Variants in SLC17A1 observed in about 807,000 individuals in gnomAD.
The protein encoded by SLC17A1 is solute carrier family 17 member 1.
In SLC17A1, 51 loss-of-function variants were observed where a neutral mutation model predicts 53.5. That is an observed-to-expected ratio of 0.95 (90% confidence interval 0.76 to 1.20). SLC17A1 has a LOEUF of 1.20. SLC17A1 is among the 50% of genes most tolerant of loss of function. The pLI is 0.00. For synonymous variants in SLC17A1, 179 were observed against 198.8 expected (o/e 0.90, Z 0.84); for missense variants, 538 against 568.2 (o/e 0.95, Z 0.54).
At chr6:25,773,450 G>A in the SLC17A1 span, 1 of 1,612,648 alleles carries the variant, frequency 6.2e-7, no homozygotes, top group Non-Finnish European at 8.5e-7. Flanking sequence ...TCTGAGAGAT[G>A]AAGAATGTGA....
At chr6:25,829,439 C>G (rs1225686070) in intron 2 of SLC17A1, among the ~76,000 whole-genome samples, 1 of 152,070 alleles carries the variant, frequency 6.6e-6, no homozygotes, top group Non-Finnish European at 1.5e-5. Context: ...GCTGCCTAAA[C>G]TCAGTATCAT....
At chr6:25,732,321 T>C in the SLC17A1 span, among the ~76,000 whole-genome samples, 2 of 152,276 alleles carry the variant, frequency 1.3e-5, no homozygotes, top group African/African-American at 4.8e-5. Context: ...TAAGGTTCTC[T>C]GATTGGATAG....
At chr6:25,776,515 T>C in the SLC17A1 span, 1 of 1,498,980 alleles carries the variant, frequency 6.7e-7, no homozygotes, top group Non-Finnish European at 8.9e-7. Context: ...GCCACAAATG[T>C]GGACAGTCTG....
chr6:25,738,210 T>C, the SLC17A1 span, among the ~76,000 whole-genome samples: 1 of 152,128 alleles, frequency 6.6e-6, no homozygotes, highest in Non-Finnish European at 1.5e-5. Flanking sequence ...CAACACTGTG[T>C]AGTAATGGCA....
chr6:25,778,069 G>A (rs1189459488), downstream of SLC17A1: 9 of 1,321,266 alleles, frequency 6.8e-6, no homozygotes. Flanking sequence ...TAGAGGCATG[G>A]TTTTTTCACA....
Position 25,815,940 on chromosome 6 carries a change from C to T in SLC17A1, c.617-2727G>A, listed in dbSNP as rs576062530. 5.2e-4 allele frequency among the ~76,000 whole-genome samples: 78 copies of T among 149,392 alleles called. 1 individual carries two copies. The highest frequency in any genetic ancestry group is 3.5e-3 in the Middle Eastern group (1 of 286). ...TTTTTTTTTTTTTTTGCCACTTCAGCTCCAAAGGTGAAACGGCACAGTTAA... is the reference window on the plus strand; with the variant it reads ...TTTTTTTTTTTTTTTGCCACTTCAGTTCCAAAGGTGAAACGGCACAGTTAA... On this transcript the variant is annotated intron_variant, in intron 6 of 12. Transcript: ENST00000244527.
intron 10 of SLC17A1, 60 bp from the exon 11 acceptor site, chr6:25,801,040 A>G (rs1763743122): frequency 3.3e-6 from 3 of 899,808 alleles, no homozygotes; most frequent in Non-Finnish European, 5.5e-6. Context: ...GGAAATGCAA[A>G]CCTAATCAAA....
chr6:25,729,740 A>ATTT, the SLC17A1 span, among the ~76,000 whole-genome samples: 53 of 150,170 alleles, frequency 3.5e-4, no homozygotes, highest in East Asian at 7.3e-3. Context: ...CTTTCCGTGC[A>ATTT]TTTTTTTTTA....
the SLC17A1 span, among the ~76,000 whole-genome samples, chr6:25,756,910 C>G: frequency 6.6e-6 from 1 of 152,260 alleles, no homozygotes; most frequent in East Asian, 1.9e-4. Context: ...GTCTTTAGTT[C>G]TTGTGACTGA....
At chr6:25,807,675 T>C (rs1764006730) in intron 10 of SLC17A1, among the ~76,000 whole-genome samples, 1 of 151,984 alleles carries the variant, frequency 6.6e-6, no homozygotes, top group African/African-American at 2.4e-5. Context: ...GTCCTCATTG[T>C]TTAGCTCCCC....
At chr6:25,817,419 C>T (rs543141617) in intron 6 of SLC17A1, among the ~76,000 whole-genome samples, 1 of 152,232 alleles carries the variant, frequency 6.6e-6, no homozygotes, top group East Asian at 1.9e-4. Flanking sequence ...GAGGCAGATA[C>T]CTAAATTCCT....
chr6:25,777,130 G>A, the SLC17A1 span: 1 of 743,806 alleles, frequency 1.3e-6, no homozygotes, highest in South Asian at 2.3e-5. Flanking sequence ...CAAAGCTGGT[G>A]GACCATTGTG....
chr6:25,801,170 G>T (rs1763746641), intron 10 of SLC17A1, among the ~76,000 whole-genome samples, 190 bp from the exon 11 acceptor site: 1 of 152,180 alleles, frequency 6.6e-6, no homozygotes, highest in Non-Finnish European at 1.5e-5. Flanking sequence ...AGTCAGAAAG[G>T]TTGGCGTTAG....
intron 12 of SLC17A1, among the ~76,000 whole-genome samples, chr6:25,796,046 ATAAAG>A (rs1159803502): frequency 1.3e-5 from 2 of 152,182 alleles, no homozygotes; most frequent in Non-Finnish European, 2.9e-5. Flanking sequence ...TGGAATCTGA[ATAAAG>A]TAAAGTGATT....
chr6:25,792,976 A>C (rs1763534274), intron 12 of SLC17A1, among the ~76,000 whole-genome samples: 1 of 152,146 alleles, frequency 6.6e-6, no homozygotes, highest in Non-Finnish European at 1.5e-5. Flanking sequence ...GATCTTTATA[A>C]ATCATTGATC....
intron 12 of SLC17A1, among the ~76,000 whole-genome samples, chr6:25,795,472 G>A (rs999622673): frequency 1.3e-5 from 2 of 152,158 alleles, no homozygotes; most frequent in Non-Finnish European, 2.9e-5. Flanking sequence ...CTAGAGTCAG[G>A]CAAGGAGGCA....
intron 10 of SLC17A1, among the ~76,000 whole-genome samples, chr6:25,801,356 T>C (rs966124187): frequency 2.6e-5 from 4 of 152,198 alleles, no homozygotes; most frequent in Non-Finnish European, 5.9e-5. Context: ...TTTACTCCCA[T>C]AGGTCCAGAG....
intron 10 of SLC17A1, among the ~76,000 whole-genome samples, 175 bp from the exon 11 acceptor site, chr6:25,801,155 C>A (rs1454496879): frequency 1.3e-5 from 2 of 152,070 alleles, no homozygotes; most frequent in Non-Finnish European, 2.9e-5. Context: ...CTAGTGTCAC[C>A]ACAGAGTCAG....
At chr6:25,777,891 C>A in the SLC17A1 span, 1 of 1,559,150 alleles carries the variant, frequency 6.4e-7, no homozygotes, top group Non-Finnish European at 8.8e-7. Context: ...CGTAGGTATA[C>A]TTGGTTATAA....
Sources: allele counts gnomAD v4.1 joint callset (sites outside exome capture counted in the v4.1 genomes callset), GRCh38; gene constraint gnomAD v4.1.1; transcripts MANE v1.5; gene names NCBI Gene and HGNC (gene_info 2026-07-23, HGNC 2026-07-21).